CTSS: variants seen among roughly 807,000 people sequenced by gnomAD.
The protein encoded by CTSS is cathepsin S.
In CTSS, 15 loss-of-function variants were observed where a neutral mutation model predicts 39.9. The observed-to-expected ratio is 0.38, with a 90% confidence interval of 0.25 to 0.58. The LOEUF (loss-of-function observed/expected upper bound fraction) is 0.58, where lower values mean the gene tolerates loss of function less well. Ranked by LOEUF, CTSS falls within the 20% of genes least tolerant of loss-of-function variation. The pLI is 0.70. For synonymous variants in CTSS, 126 were observed against 138.2 expected (o/e 0.91, Z 0.62); for missense variants, 250 against 398.2 (o/e 0.63, Z 3.17).
intron 7 of CTSS, among the ~76,000 whole-genome samples, chr1:150,742,373 G>C (rs587754881): frequency 6.6e-6 from 1 of 152,212 alleles, no homozygotes; most frequent in Non-Finnish European, 1.5e-5. Context: ...ATTTCAGAAA[G>C]ATACAGCATA....
intron 4 of CTSS, among the ~76,000 whole-genome samples, chr1:150,754,717 T>A (rs1360638305): frequency 2.6e-5 from 4 of 152,104 alleles, no homozygotes; most frequent in Non-Finnish European, 4.4e-5. Flanking sequence ...CGTGAGTGCC[T>A]GGCCTATTTT....
intron 2 of CTSS, among the ~76,000 whole-genome samples, 174 bp from the exon 3 acceptor site, chr1:150,758,154 A>C (rs964101801): frequency 5.3e-5 from 8 of 151,788 alleles, no homozygotes; most frequent in African/African-American, 1.9e-4. Context: ...GGTTCAAGTG[A>C]TTCTCCTGCT....
intron 4 of CTSS, 30 bp from the exon 5 acceptor site, chr1:150,752,038 A>G (rs1366046626): frequency 6.2e-7 from 1 of 1,606,558 alleles, no homozygotes; most frequent in African/African-American, 1.3e-5. Context: ...ACAAACGCAA[A>G]TCACAGAAAA....
intron 4 of CTSS, among the ~76,000 whole-genome samples, chr1:150,752,902 G>A (rs1017376083): frequency 6.6e-6 from 1 of 152,194 alleles, no homozygotes; most frequent in Admixed American, 6.5e-5. Flanking sequence ...CACTCAGACT[G>A]AAGTGCAGTG....
intron 7 of CTSS, among the ~76,000 whole-genome samples, chr1:150,735,920 C>T (rs1228158474): frequency 1.3e-5 from 2 of 151,994 alleles, no homozygotes; most frequent in Non-Finnish European, 2.9e-5. Flanking sequence ...CCACGCCTGG[C>T]TAATTTTTTT....
intron 2 of CTSS, among the ~76,000 whole-genome samples, chr1:150,760,532 A>C (rs1653232181): frequency 6.6e-6 from 1 of 152,144 alleles, no homozygotes; most frequent in Non-Finnish European, 1.5e-5. Context: ...AAATAAATAC[A>C]AGATCTCCAA....
rs144351753 is a variant in CTSS, at chr1:150,740,290, T to C, written c.897-7145A>G. On this transcript the variant is annotated intron_variant, in intron 7 of 7. Coordinates refer to ENST00000368985, the MANE Select transcript of CTSS (RefSeq NM_004079.5). The stretch of plus-strand genomic sequence containing the variant: ...AATTAGAGAAACAATTCTAAGTGAA[T>C]GGGGTATGAAGGAGATAGTATTTGA... Among the ~76,000 whole-genome samples, 106 of 152,350 alleles carry C rather than the reference T, an allele frequency of 7.0e-4. No individual in the cohort carries two copies. In the Middle Eastern group the frequency reaches 0.01, roughly 15 times the overall value.
intron 6 of CTSS, 27 bp downstream of exon 6, chr1:150,749,979 C>A: frequency 6.4e-7 from 1 of 1,561,186 alleles, no homozygotes; most frequent in South Asian, 1.2e-5. Flanking sequence ...TCTTTAAATT[C>A]TAATTATTGT....
intron 3 of CTSS, among the ~76,000 whole-genome samples, chr1:150,756,708 CTTTTT>C (rs72242218): frequency 3.0e-5 from 4 of 131,182 alleles, no homozygotes; most frequent in African/African-American, 5.6e-5. Flanking sequence ...TTCTTTCTTT[CTTTTT>C]TTTTTTTTTT....
intron 7 of CTSS, among the ~76,000 whole-genome samples, chr1:150,740,016 T>C (rs1328858065): frequency 1.3e-5 from 2 of 152,186 alleles, no homozygotes; most frequent in Non-Finnish European, 2.9e-5. Flanking sequence ...ATGAGTACCT[T>C]GAGGGACGGT....
At chr1:150,747,241 G>A (rs746385203) in intron 7 of CTSS, among the ~76,000 whole-genome samples, 3 of 152,160 alleles carry the variant, frequency 2.0e-5, no homozygotes, top group Non-Finnish European at 2.9e-5. Context: ...TCTGAAGGAG[G>A]AACAGTATGG....
rs1037955833 is a variant in CTSS at position 150,730,638 on chromosome 1, G to C, written c.*2408C>G. 5.3e-5 allele frequency: 8 copies of C among 152,154 alleles called. No homozygotes were observed. Among genetic ancestry groups the C allele is most frequent in the African/African-American group, 1.7e-4 (7 of 41,424 alleles). The allele number at this position is 152,154 out of a possible 1,614,324, so 9.4% of individuals were successfully genotyped here. ...AAAATATTCAATATGTCAAAGTGCT[G>C]TATTTTGTGTAGGGTGTCCTGAACC... On this transcript the variant is annotated 3_prime_UTR_variant, in exon 8 of 8. Coordinates refer to ENST00000368985, the MANE Select transcript of CTSS (RefSeq NM_004079.5).
At chr1:150,749,113 C>A (rs1417801358) in intron 6 of CTSS, among the ~76,000 whole-genome samples, 4 of 152,108 alleles carry the variant, frequency 2.6e-5, no homozygotes, top group African/African-American at 9.7e-5. Context: ...CACATGATAA[C>A]CCTATGATAG....
chr1:150,756,708 C>CTTTT (rs72242218), intron 3 of CTSS, among the ~76,000 whole-genome samples: 39 of 131,122 alleles, frequency 3.0e-4, no homozygotes, highest in Middle Eastern at 4.0e-3. Context: ...TTCTTTCTTT[C>CTTTT]TTTTTTTTTT....
rs140031053 is a variant in CTSS, at chr1:150,755,062, C to T, written c.338G>A (p.Arg113Gln). The T allele has an allele frequency of 3.8e-5, 62 of 1,614,030 alleles. No individual in the cohort carries two copies. The East Asian group carries it at 1.1e-3, about 30-fold the overall frequency. Reference sequence around the variant, plus strand: ...CCAGTCCACAGAATCAGGCAATATCCGATTAGGGTTTGACTTATATGTGAT... The same window carrying T: ...CCAGTCCACAGAATCAGGCAATATCTGATTAGGGTTTGACTTATATGTGAT... ...RNITYKSNPN[R>Q]ILPDSVDWRE... Residue 113 changes from arginine (R) to glutamine (Q), a missense_variant, in exon 4 of 8, where the codon CGG (arginine) becomes CAG (glutamine). Arg to Gln is a conservative substitution (Grantham distance 43, BLOSUM62 1). Transcript: ENST00000368985.
At chr1:150,742,870 G>C (rs974777817) in intron 7 of CTSS, among the ~76,000 whole-genome samples, 7 of 152,110 alleles carry the variant, frequency 4.6e-5, no homozygotes, top group African/African-American at 1.7e-4. Context: ...CAGGGATGAG[G>C]GAAGAAAGGA....
chr1:150,754,397 A>G (rs1200881642), intron 4 of CTSS, among the ~76,000 whole-genome samples: 1 of 150,470 alleles, frequency 6.6e-6, no homozygotes, highest in Admixed American at 6.7e-5. Context: ...TACAGGCATG[A>G]GCCACTACGC....
intron 2 of CTSS, among the ~76,000 whole-genome samples, chr1:150,759,421 A>G (rs1653205190): frequency 6.6e-6 from 1 of 151,934 alleles, no homozygotes; most frequent in African/African-American, 2.4e-5. Flanking sequence ...TTGCGTTTTC[A>G]TATATTTTTC....
rs587753888 is a variant in CTSS, at chr1:150,732,656, T to G, written c.*390A>C. The G allele has an allele frequency of 6.5e-6, 1 of 154,314 alleles. No individual in the cohort carries two copies. The highest frequency in any genetic ancestry group is 1.9e-4 in the East Asian group (1 of 5,238). The allele number at this position is 154,314 out of a possible 1,614,324, so 9.6% of individuals were successfully genotyped here. A position where few individuals can be genotyped will look rare whatever the true frequency, so the allele number is the denominator to read the frequency against. ...AGAGTCTCCACTCTGTCATCCAGGC[T>G]GGAGTACAGTGGTGTGATCTCAGCT... On this transcript the variant is annotated 3_prime_UTR_variant, in exon 8 of 8. Transcript: ENST00000368985.
Sources: allele counts gnomAD v4.1 joint callset (sites outside exome capture counted in the v4.1 genomes callset), GRCh38; gene constraint gnomAD v4.1.1; transcripts MANE v1.5; gene names NCBI Gene and HGNC (gene_info 2026-07-23, HGNC 2026-07-21).